Variants in CSMD1 observed in about 807,000 individuals in gnomAD.
CSMD1 encodes CUB and Sushi multiple domains 1, also known as CUB and sushi domain-containing protein 1.
A neutral mutation model predicts 417.5 loss-of-function variants in CSMD1; 213 were observed. That is an observed-to-expected ratio of 0.51 (90% CI 0.46 to 0.57). CSMD1 has a LOEUF of 0.57. Among genes scored for constraint, CSMD1 ranks in the 20% least tolerant of loss-of-function variants. The pLI is 0.00. For synonymous variants in CSMD1, 2,862 were observed against 1,736.8 expected, an observed-to-expected ratio of 1.65 and a Z score of -16.11; for missense variants, 6,923 against 4,529.7, an observed-to-expected ratio of 1.53 and a Z score of -15.17.
chr8:4,750,379 T>A (rs1165037300), intron 1 of CSMD1, among the ~76,000 whole-genome samples: 2 of 152,186 alleles, frequency 1.3e-5, no homozygotes, highest in African/African-American at 4.8e-5. Flanking sequence ...AAAAGTAGTT[T>A]AGGGTTATCA....
intron 5 of CSMD1, among the ~76,000 whole-genome samples, chr8:3,840,042 C>G (rs1403658192): frequency 6.6e-6 from 1 of 152,002 alleles, no homozygotes; most frequent in Non-Finnish European, 1.5e-5. Flanking sequence ...TTCTAGGAAT[C>G]CTCTGGGTTG....
At chr8:4,053,729 C>T (rs143568287) in intron 3 of CSMD1, among the ~76,000 whole-genome samples, 2,043 of 152,170 alleles carry the variant, frequency 0.013, 43 homozygotes, top group African/African-American at 0.046. Flanking sequence ...TGCTCCAGAA[C>T]TGGCTTCTTG....
chr8:4,758,377 C>T (rs913583431), intron 1 of CSMD1, among the ~76,000 whole-genome samples: 2 of 152,128 alleles, frequency 1.3e-5, no homozygotes, highest in African/African-American at 2.4e-5. Context: ...TTTCAAGTTG[C>T]ACCCAATCCT....
intron 1 of CSMD1, among the ~76,000 whole-genome samples, chr8:4,919,135 T>C (rs551633333): frequency 1.3e-5 from 2 of 152,330 alleles, no homozygotes; most frequent in Admixed American, 1.3e-4. Context: ...AAAGTTAGAA[T>C]GGAAACATAC....
At chr8:3,738,551 C>T (rs73494574) in intron 6 of CSMD1, among the ~76,000 whole-genome samples, 3 of 152,150 alleles carry the variant, frequency 2.0e-5, no homozygotes, top group African/African-American at 7.2e-5. Context: ...CATGAATGCC[C>T]TTCCCTTTTC....
Position 2,951,256 on chromosome 8 carries a change from G to A in CSMD1, c.10059C>T (p.Phe3353=), listed in dbSNP as rs376160512. Residue 3353 remains phenylalanine, a synonymous_variant, in exon 66 of 70, where the codon TTC becomes TTT. Transcript: ENST00000635120. The part of the protein sequence containing the change: ...TKTPVPSDVF[F]VNSLWKGYYE... The stretch of plus-strand genomic sequence containing the variant: ...AATACCCCTTCCACAGTGAATTGAC[G>A]AAAAAGACATCTGAAGGAACTGTGG... 1.2e-4 allele frequency: 194 copies of A among 1,604,226 alleles called. No homozygotes were observed. Among genetic ancestry groups the A allele is most frequent in the Non-Finnish European group, 1.5e-4 (179 of 1,175,174 alleles).
At chr8:4,208,975 C>G (rs1259143801) in intron 3 of CSMD1, among the ~76,000 whole-genome samples, 1 of 152,148 alleles carries the variant, frequency 6.6e-6, no homozygotes, top group Non-Finnish European at 1.5e-5. Context: ...GCTGAAAAAC[C>G]TACCAGTGAA....
At chr8:4,081,763 A>T (rs962309362) in intron 3 of CSMD1, among the ~76,000 whole-genome samples, 20 of 152,228 alleles carry the variant, frequency 1.3e-4, no homozygotes, top group Admixed American at 3.9e-4. Context: ...TAAAGACCCC[A>T]AATATCTGGA....
intron 7 of CSMD1, among the ~76,000 whole-genome samples, chr8:3,622,562 C>G (rs1031503829): frequency 2.0e-5 from 3 of 152,084 alleles, no homozygotes; most frequent in Non-Finnish European, 4.4e-5. Flanking sequence ...AAGTCACTTA[C>G]TAAAAAAAGG....
chr8:3,134,587 G>A (rs1234289678), intron 41 of CSMD1, among the ~76,000 whole-genome samples: 1 of 152,154 alleles, frequency 6.6e-6, no homozygotes, highest in African/African-American at 2.4e-5. Context: ...TGCAACTTGT[G>A]GGAGAAAATT....
intron 6 of CSMD1, among the ~76,000 whole-genome samples, chr8:3,733,198 C>G (rs1019393770): frequency 6.8e-6 from 1 of 147,806 alleles, no homozygotes; most frequent in Non-Finnish European, 1.5e-5. Context: ...CACACACACA[C>G]ACACACACTC....
intron 1 of CSMD1, among the ~76,000 whole-genome samples, chr8:4,931,887 G>A (rs766902468): frequency 3.9e-5 from 6 of 152,124 alleles, no homozygotes; most frequent in African/African-American, 9.7e-5. Context: ...ATTGTTATAT[G>A]GAGATATGTA....
At chr8:4,606,362 A>T (rs1350817981) in intron 2 of CSMD1, among the ~76,000 whole-genome samples, 3 of 152,160 alleles carry the variant, frequency 2.0e-5, no homozygotes, top group Non-Finnish European at 4.4e-5. Flanking sequence ...GAGAGAAAAA[A>T]AAAAAAGAGT....
intron 3 of CSMD1, among the ~76,000 whole-genome samples, chr8:4,103,748 G>C (rs976857287): frequency 1.2e-4 from 18 of 152,136 alleles, no homozygotes; most frequent in African/African-American, 3.9e-4. Context: ...AGTAGGAAAA[G>C]CTGAAACTTC....
intron 8 of CSMD1, among the ~76,000 whole-genome samples, chr8:3,612,244 CAAA>C (rs56865419): frequency 0.025 from 3,745 of 152,106 alleles, 67 homozygotes; most frequent in Middle Eastern, 0.072. Flanking sequence ...ATTGAAGAAA[CAAA>C]AATACACAGC....
chr8:4,216,881 C>A (rs1041824251), intron 3 of CSMD1, among the ~76,000 whole-genome samples: 12 of 152,062 alleles, frequency 7.9e-5, no homozygotes, highest in Non-Finnish European at 1.0e-4. Flanking sequence ...CCCTTTTTTC[C>A]TTCTTTTCTT....
chr8:3,471,180 T>C (rs949009836), intron 11 of CSMD1, among the ~76,000 whole-genome samples: 3 of 152,204 alleles, frequency 2.0e-5, no homozygotes, highest in Admixed American at 1.3e-4. Context: ...TTCGGTGTTG[T>C]CGGCATTTTT....
In CSMD1 at chr8:3,555,668, ATAACT is replaced by A. The variant is rs142829814; in HGVS notation, c.1344+19272_1344+19276del. On this transcript the variant is annotated intron_variant, in intron 10 of 69. Transcript: ENST00000635120. ...GGAAGTACATGTACACTTGAATCTGATAACTTAAATGTGAGGGTGCATAAAAATAA... is the reference window on the plus strand; with the variant it reads ...GGAAGTACATGTACACTTGAATCTGATAAATGTGAGGGTGCATAAAAATAA... Among the ~76,000 whole-genome samples the A allele has an allele frequency of 3.5e-3, 537 of 152,338 alleles. 2 individuals are homozygous for A. Among genetic ancestry groups the A allele is most frequent in the African/African-American group, 0.012 (513 of 41,578 alleles).
intron 2 of CSMD1, among the ~76,000 whole-genome samples, chr8:4,600,725 A>C (rs1327068723): frequency 3.9e-5 from 6 of 152,296 alleles, no homozygotes; most frequent in South Asian, 2.1e-4. Context: ...AGAAAGACAG[A>C]GGGTGTAAAC....
Sources: allele counts gnomAD v4.1 joint callset (sites outside exome capture counted in the v4.1 genomes callset), GRCh38; gene constraint gnomAD v4.1.1; transcripts MANE v1.5; gene names NCBI Gene and HGNC (gene_info 2026-07-23, HGNC 2026-07-21).